The following ST18 variants were observed in gnomAD, a reference collection of about 807,000 sequenced individuals.
ST18 encodes the protein ST18 C2H2C-type zinc finger transcription factor.
ST18 carries 50 observed loss-of-function variants against 110.0 expected under a neutral mutation model. The observed-to-expected ratio is 0.45, with a 90% CI of 0.36 to 0.58. ST18 has a LOEUF of 0.58. Ranked by LOEUF, ST18 falls within the 20% of genes least tolerant of loss-of-function variation. ST18 has a pLI of 0.00. For missense variants in ST18, 1,306 were observed against 1,280.1 expected (o/e 1.02, Z -0.31); for synonymous variants, 461 against 452.4 (o/e 1.02, Z -0.24).
chr8:52,250,445 CAA>C (rs1159770176), intron 2 of ST18, among the ~76,000 whole-genome samples: 8 of 4,280 alleles, frequency 1.9e-3, no homozygotes, highest in African/African-American at 7.9e-3. Context: ...GCCTCAAAGG[CAA>C]AAAAAAAAAA....
chr8:52,116,870 T>C (rs2130487042), intron 24 of ST18, among the ~76,000 whole-genome samples: 1 of 152,096 alleles, frequency 6.6e-6, no homozygotes, highest in South Asian at 2.1e-4. Flanking sequence ...TGCTGCCCCC[T>C]GGGCCCAGCC....
chr8:52,363,393 T>A (rs1277865920), intron 2 of ST18, among the ~76,000 whole-genome samples: 5 of 152,196 alleles, frequency 3.3e-5, no homozygotes, highest in African/African-American at 1.2e-4. Context: ...CCTAGCTGTT[T>A]CCTTTTAGTC....
intron 10 of ST18, among the ~76,000 whole-genome samples, chr8:52,167,311 C>T (rs1035560900): frequency 6.6e-6 from 1 of 151,858 alleles, no homozygotes; most frequent in African/African-American, 2.4e-5. Flanking sequence ...AACAGGCTCC[C>T]GAAAAGAAAA....
intron 15 of ST18, among the ~76,000 whole-genome samples, chr8:52,152,678 C>A (rs2059117552): frequency 6.6e-6 from 1 of 152,132 alleles, no homozygotes; most frequent in African/African-American, 2.4e-5. Context: ...CTGCCTTCAA[C>A]AAATTTCTTT....
At chr8:52,237,553 A>C (rs1276732163) in intron 2 of ST18, among the ~76,000 whole-genome samples, 1 of 152,210 alleles carries the variant, frequency 6.6e-6, no homozygotes, top group African/African-American at 2.4e-5. Context: ...GGACTCTTGC[A>C]CTAAAGCCCA....
chr8:52,341,800 G>C (rs1815142696), intron 2 of ST18, among the ~76,000 whole-genome samples: 1 of 152,170 alleles, frequency 6.6e-6, no homozygotes, highest in African/African-American at 2.4e-5. Context: ...GAGCTGTACT[G>C]TCGGACACAG....
chr8:52,254,386 G>A (rs1391725021), intron 2 of ST18: 3 of 152,074 alleles, frequency 2.0e-5, no homozygotes, highest in South Asian at 2.1e-4. Flanking sequence ...AAGCACCTGC[G>A]TTTGTGTCCC....
chr8:52,344,914 A>G (rs1349719552), intron 2 of ST18, among the ~76,000 whole-genome samples: 1 of 152,156 alleles, frequency 6.6e-6, no homozygotes, highest in Non-Finnish European at 1.5e-5. Context: ...GGTATGTATT[A>G]TTGTTATTAT....
chr8:52,253,167 G>A (rs1339875300), intron 2 of ST18, among the ~76,000 whole-genome samples: 3 of 151,702 alleles, frequency 2.0e-5, no homozygotes, highest in Admixed American at 6.6e-5. Flanking sequence ...TGCATACTTC[G>A]ACTGCTGACT....
intron 2 of ST18, among the ~76,000 whole-genome samples, chr8:52,273,360 C>T (rs988584330): frequency 6.6e-6 from 1 of 152,114 alleles, no homozygotes; most frequent in Admixed American, 6.5e-5. Flanking sequence ...TTCAACACAA[C>T]AGAAGAAAAT....
chr8:52,384,786 GGTGTGT>G (rs60638852), intron 2 of ST18, among the ~76,000 whole-genome samples: 119 of 147,472 alleles, frequency 8.1e-4, no homozygotes, highest in African/African-American at 1.6e-3. Flanking sequence ...TGTGTACACA[GGTGTGT>G]GTGTGTGTGT....
At chr8:52,188,531 T>C (rs2073255094) in intron 8 of ST18, among the ~76,000 whole-genome samples, 1 of 152,218 alleles carries the variant, frequency 6.6e-6, no homozygotes, top group South Asian at 2.1e-4. Context: ...CTACAGACCA[T>C]TTTAGGAACT....
chr8:52,172,114 C>T lies in ST18; in HGVS notation c.747G>A (p.Arg249=), dbSNP rs778185599. 3 of 1,614,108 alleles carry T rather than the reference C, an allele frequency of 1.9e-6. No individual in the cohort carries two copies. Among genetic ancestry groups the T allele is most frequent in the African/African-American group, 2.7e-5 (2 of 74,936 alleles). Residue 249 remains arginine (R), a synonymous_variant, in exon 10 of 26, where the codon AGG becomes AGA. Coordinates refer to ENST00000689386, the MANE Select transcript of ST18 (RefSeq NM_001352837.2). The stretch of plus-strand genomic sequence containing the variant: ...CTTTCCTTTCTGTTTCAGAATCACA[C>T]CTGTTCTCACAAGGGATAAATTTGT... ...EGDKFIPCEN[R]CDSETERKDP...
At chr8:52,345,207 A>C (rs1308727578) in intron 2 of ST18, among the ~76,000 whole-genome samples, 2 of 152,214 alleles carry the variant, frequency 1.3e-5, no homozygotes, top group African/African-American at 2.4e-5. Context: ...CGTACTCATC[A>C]TAACAATATC....
intron 2 of ST18, among the ~76,000 whole-genome samples, chr8:52,304,807 T>C (rs951436505): frequency 3.3e-5 from 5 of 152,146 alleles, no homozygotes; most frequent in African/African-American, 1.2e-4. Context: ...TTCCTAGACG[T>C]CCATCTTCTT....
At chr8:52,313,446 T>A (rs1344130974) in intron 2 of ST18, 1 of 161,018 alleles carries the variant, frequency 6.2e-6, no homozygotes, top group Non-Finnish European at 1.4e-5. Flanking sequence ...AGCCTAGTTT[T>A]GTTAGAGGCT....
intron 8 of ST18, among the ~76,000 whole-genome samples, chr8:52,198,459 G>C (rs1184059757): frequency 6.6e-6 from 1 of 152,102 alleles, no homozygotes; most frequent in Non-Finnish European, 1.5e-5. Flanking sequence ...TGCTAAATAT[G>C]AATAAGACTT....
intron 2 of ST18, among the ~76,000 whole-genome samples, chr8:52,395,328 T>C (rs1233758006): frequency 6.6e-6 from 1 of 152,226 alleles, no homozygotes; most frequent in Admixed American, 6.5e-5. Context: ...GATTGATAAG[T>C]GCTTCAGAAA....
intron 15 of ST18, among the ~76,000 whole-genome samples, chr8:52,156,561 A>G (rs2060068425): frequency 6.6e-6 from 1 of 152,216 alleles, no homozygotes; most frequent in South Asian, 2.1e-4. Context: ...GGCCTACATC[A>G]GACATGGTTT....
Sources: gnomAD v4.1 joint callset for allele counts (sites outside exome capture counted in the v4.1 genomes callset) on GRCh38, gnomAD v4.1.1 for gene constraint, MANE v1.5 for transcripts, NCBI Gene and HGNC (gene_info 2026-07-23, HGNC 2026-07-21) for gene names.